Variants in ARL5A observed in about 807,000 individuals in gnomAD.
ARL5A encodes the protein ADP-ribosylation factor-like protein 5A.
A neutral mutation model predicts 25.9 loss-of-function variants in ARL5A; 18 were observed. The ratio of observed to expected loss-of-function variants is 0.69; its 90% CI spans 0.48 to 1.03. The LOEUF (loss-of-function observed/expected upper bound fraction) is 1.03. Ranked by LOEUF, ARL5A falls within the 50% of genes least tolerant of loss-of-function variation. ARL5A has a pLI of 0.00. For missense variants in ARL5A, 170 were observed against 211.9 expected, an observed-to-expected ratio of 0.80 and a Z score of 1.23; for synonymous variants, 61 against 67.5, an observed-to-expected ratio of 0.90 and a Z score of 0.47.
rs902415281 is a variant in ARL5A at position 151,812,303 on chromosome 2, G to T, written c.339+54C>A. Reference sequence around the variant, plus strand: ...CCCTCATGAGAAACTAGAAAACAAAGTATCGATTCCCATACCCTTCCCCAT... The same window carrying T: ...CCCTCATGAGAAACTAGAAAACAAATTATCGATTCCCATACCCTTCCCCAT... On this transcript the variant is annotated intron_variant, in intron 4 of 5. Coordinates refer to ENST00000295087, the MANE Select transcript of ARL5A (RefSeq NM_012097.4). The T allele has an allele frequency of 5.5e-6, 7 of 1,261,724 alleles. No individual in the cohort carries two copies. The East Asian group carries it at 1.7e-4, about 30-fold the overall frequency. The allele number at this position is 1,261,724 out of a possible 1,614,324, so 78.2% of individuals were successfully genotyped here.
intron 1 of ARL5A, 96 bp from the exon 2 acceptor site, chr2:151,815,295 T>A: frequency 2.0e-6 from 2 of 986,556 alleles, no homozygotes; most frequent in South Asian, 1.5e-5. Flanking sequence ...CCCTTCTATC[T>A]ATGGCATAAT....
intron 5 of ARL5A, among the ~76,000 whole-genome samples, chr2:151,806,485 G>A (rs1216826618): frequency 6.6e-6 from 1 of 152,084 alleles, no homozygotes; most frequent in East Asian, 1.9e-4. Context: ...GGACATGCTC[G>A]GCACATGTCA....
At chr2:151,807,169 A>AT (rs1287668653) in intron 4 of ARL5A, among the ~76,000 whole-genome samples, 197 bp from the exon 5 acceptor site, 1 of 152,060 alleles carries the variant, frequency 6.6e-6, no homozygotes, top group African/African-American at 2.4e-5. Context: ...TCAGACAACA[A>AT]TTTTTTATGG....
rs556995449 is a variant in ARL5A at position 151,807,610 on chromosome 2, T to A, written c.340-638A>T. The stretch of plus-strand genomic sequence containing the variant: ...GGAAATAAATGAATTCATTACAATG[T>A]ATGCCTTAAAACCTTAGGGCTTAAT... On this transcript the variant is annotated intron_variant, in intron 4 of 5. Transcript: ENST00000295087. 3.9e-5 allele frequency among the ~76,000 whole-genome samples: 6 copies of A among 152,324 alleles called. No individual in the cohort carries two copies. The South Asian group carries it at 1.0e-3, about 26-fold the overall frequency.
At chr2:151,819,324 G>A (rs761373118) in intron 1 of ARL5A, among the ~76,000 whole-genome samples, 7 of 152,152 alleles carry the variant, frequency 4.6e-5, no homozygotes, top group Non-Finnish European at 8.8e-5. Flanking sequence ...AGAGCCTGAG[G>A]TACACCATTT....
chr2:151,825,137 A>T (rs2099832878), intron 1 of ARL5A, among the ~76,000 whole-genome samples: 1 of 152,250 alleles, frequency 6.6e-6, no homozygotes, highest in Non-Finnish European at 1.5e-5. Context: ...CCCACCATGT[A>T]GAACACTTCC....
intron 1 of ARL5A, among the ~76,000 whole-genome samples, chr2:151,817,594 T>C (rs1365339596): frequency 6.6e-6 from 1 of 152,200 alleles, no homozygotes; most frequent in African/African-American, 2.4e-5. Context: ...ATACAATCCA[T>C]TTTATCCAGT....
chr2:151,804,770 T>C (rs921035805), intron 5 of ARL5A, among the ~76,000 whole-genome samples: 1 of 152,192 alleles, frequency 6.6e-6, no homozygotes, highest in Admixed American at 6.5e-5. Context: ...GGGTTGGCAA[T>C]GTTAGCAAAT....
chr2:151,825,736 T>C (rs903681172), intron 1 of ARL5A, among the ~76,000 whole-genome samples: 7 of 151,876 alleles, frequency 4.6e-5, no homozygotes, highest in Middle Eastern at 3.4e-3. Flanking sequence ...AGAGTTTCTA[T>C]GAAAAGAAAG....
chr2:151,819,955 C>T (rs1173708113), intron 1 of ARL5A, among the ~76,000 whole-genome samples: 1 of 152,110 alleles, frequency 6.6e-6, no homozygotes, highest in East Asian at 1.9e-4. Context: ...ACTTGGGAGG[C>T]TAAGGTAGAC....
chr2:151,822,906 A>C (rs2099832541), intron 1 of ARL5A, among the ~76,000 whole-genome samples: 1 of 152,224 alleles, frequency 6.6e-6, no homozygotes, highest in African/African-American at 2.4e-5. Context: ...TGACACAGGC[A>C]GTCTACCAGT....
At chr2:151,808,659 A>C (rs1398785408) in intron 4 of ARL5A, among the ~76,000 whole-genome samples, 1 of 151,836 alleles carries the variant, frequency 6.6e-6, no homozygotes, top group African/African-American at 2.4e-5. Context: ...TATCAAAGGC[A>C]AAAAACTTGA....
intron 1 of ARL5A, among the ~76,000 whole-genome samples, chr2:151,820,021 G>A (rs1025821684): frequency 1.3e-5 from 2 of 152,142 alleles, no homozygotes; most frequent in Non-Finnish European, 2.9e-5. Context: ...CTGGCCACTA[G>A]CTGAACATGA....
chr2:151,824,560 C>T (rs191294549), intron 1 of ARL5A, among the ~76,000 whole-genome samples: 1 of 152,276 alleles, frequency 6.6e-6, no homozygotes, highest in Admixed American at 6.5e-5. Context: ...GTTCCTGAAG[C>T]ACAGGCAGCT....
chr2:151,805,204 AT>A (rs1411361688), intron 5 of ARL5A, among the ~76,000 whole-genome samples: 3 of 139,706 alleles, frequency 2.1e-5, no homozygotes, highest in African/African-American at 7.4e-5. Context: ...ATTATCTGTG[AT>A]TTTTTTAATG....
intron 1 of ARL5A, among the ~76,000 whole-genome samples, chr2:151,818,220 C>A (rs2099831783): frequency 6.6e-6 from 1 of 152,192 alleles, no homozygotes; most frequent in Non-Finnish European, 1.5e-5. Context: ...CAGATGATTA[C>A]TTGGGGAGCA....
chr2:151,820,456 C>A (rs2099832121), intron 1 of ARL5A, among the ~76,000 whole-genome samples: 2 of 151,622 alleles, frequency 1.3e-5, no homozygotes, highest in African/African-American at 4.8e-5. Context: ...GGTCAGGAGT[C>A]CAAAACCAGC....
chr2:151,818,014 T>C (rs2099831760), intron 1 of ARL5A, among the ~76,000 whole-genome samples: 3 of 152,152 alleles, frequency 2.0e-5, no homozygotes. Flanking sequence ...CTGTGGTCTT[T>C]AGTCTCCCAG....
intron 2 of ARL5A, 109 bp from the exon 3 acceptor site, chr2:151,814,425 A>C (rs1013255253): frequency 4.6e-6 from 4 of 868,252 alleles, no homozygotes; most frequent in Middle Eastern, 2.9e-4. Context: ...ATTTATACCT[A>C]AATATCTTTT....
Sources: gnomAD v4.1 joint callset for allele counts (sites outside exome capture counted in the v4.1 genomes callset) on GRCh38, gnomAD v4.1.1 for gene constraint, MANE v1.5 for transcripts, NCBI Gene and HGNC (gene_info 2026-07-23, HGNC 2026-07-21) for gene names.